CD247: variants seen among roughly 807,000 people sequenced by gnomAD.
CD247 encodes T-cell surface glycoprotein CD3 zeta chain.
CD247 carries 13 observed loss-of-function variants against 30.0 expected under a neutral mutation model. The ratio of observed to expected loss-of-function variants is 0.43; its 90% CI spans 0.28 to 0.69. CD247 has a LOEUF of 0.69. Among genes scored for constraint, CD247 ranks in the 30% least tolerant of loss-of-function variants. The pLI is 0.16. For synonymous variants in CD247, 72 were observed against 80.0 expected, an observed-to-expected ratio of 0.90 and a Z score of 0.53; for missense variants, 193 against 212.6, an observed-to-expected ratio of 0.91 and a Z score of 0.57.
At chr1:167,471,099 C>G (rs2102047982) in intron 1 of CD247, among the ~76,000 whole-genome samples, 1 of 152,210 alleles carries the variant, frequency 6.6e-6, no homozygotes, top group Admixed American at 6.5e-5. Context: ...TCTTGATTTT[C>G]TAACCTCGTG....
Position 167,461,476 on chromosome 1 carries a change from A to G in CD247, c.59-20709T>C, listed in dbSNP as rs542742726. 3.3e-5 allele frequency among the ~76,000 whole-genome samples: 5 copies of G among 152,356 alleles called. No individual in the cohort carries two copies. The South Asian group carries it at 8.3e-4, about 25-fold the overall frequency. ...GGTTTCATCTCTGGTTTGTGAAATT[A>G]TGGGTGATTTAAATTTTCTTTATGC... On this transcript the variant is annotated intron_variant, in intron 1 of 7. Transcript: ENST00000362089.
chr1:167,490,069 A>G (rs777551625), intron 1 of CD247, among the ~76,000 whole-genome samples: 58 of 150,220 alleles, frequency 3.9e-4, no homozygotes, highest in Non-Finnish European at 7.7e-4. Context: ...TGGAGCGCTC[A>G]TCTTTGTGTC....
At chr1:167,506,128 T>C (rs1655102751) in intron 1 of CD247, among the ~76,000 whole-genome samples, 1 of 152,234 alleles carries the variant, frequency 6.6e-6, no homozygotes, top group African/African-American at 2.4e-5. Context: ...GTATCTATAA[T>C]ACTTTCCAGG....
At position 167,431,655 on chromosome 1, in the gene CD247, C is replaced by T; in HGVS notation, c.*26G>A. 1 of 1,604,582 alleles carries T rather than the reference C, an allele frequency of 6.2e-7. No individual in the cohort carries two copies. The highest frequency in any genetic ancestry group is 2.2e-5 in the East Asian group (1 of 44,850). ...TAATCTGGGCGTCTGCAGGTCTGGC[C>T]TTTGAGTGGTGAAATCCCCTGGCTG... On this transcript the variant is annotated 3_prime_UTR_variant, in exon 8 of 8. Coordinates refer to ENST00000362089, the MANE Select transcript of CD247 (RefSeq NM_198053.3).
Position 167,434,293 on chromosome 1 carries a change from G to A in CD247, c.337-217C>T, listed in dbSNP as rs767138961. ...TCCTCAGCCCTTTGGAGTCTCCTCC[G>A]AGCTGCCAGCTCTTTGCACTGAGCT... On this transcript the variant is annotated intron_variant, in intron 5 of 7. Transcript: ENST00000362089. 42 of 606,624 alleles carry A rather than the reference G, an allele frequency of 6.9e-5. 1 individual carries two copies. Among genetic ancestry groups the A allele is most frequent in the Admixed American group, 6.2e-4 (23 of 37,300 alleles). 37.6% of individuals were successfully genotyped at this position (606,624 alleles called of 1,614,324 possible).
intron 1 of CD247, among the ~76,000 whole-genome samples, chr1:167,507,479 T>G (rs1655194823): frequency 6.6e-6 from 1 of 152,324 alleles, no homozygotes; most frequent in East Asian, 1.9e-4. Flanking sequence ...TATTCTTTTC[T>G]TTCTTAACTG....
chr1:167,484,416 G>A (rs1654113557), intron 1 of CD247, among the ~76,000 whole-genome samples: 1 of 152,204 alleles, frequency 6.6e-6, no homozygotes, highest in Admixed American at 6.5e-5. Context: ...TGGGAGCCCA[G>A]AGGCCAAGGT....
chr1:167,512,103 T>C (rs1040442989), intron 1 of CD247, among the ~76,000 whole-genome samples: 1 of 152,142 alleles, frequency 6.6e-6, no homozygotes, highest in African/African-American at 2.4e-5. Flanking sequence ...GCAAGCAAAG[T>C]GGACAGTGCA....
chr1:167,446,958 A>G (rs944011794), intron 1 of CD247, among the ~76,000 whole-genome samples: 7 of 152,116 alleles, frequency 4.6e-5, no homozygotes, highest in African/African-American at 1.7e-4. Flanking sequence ...TTACGCCACT[A>G]CACTCCAGCC....
In CD247 at chr1:167,494,072, A is replaced by C. The variant is rs953094183; in HGVS notation, c.58+24336T>G. On this transcript the variant is annotated intron_variant, in intron 1 of 7. Coordinates refer to ENST00000362089, the MANE Select transcript of CD247 (RefSeq NM_198053.3). The surrounding 1 kb of genome is among the most constrained non-coding windows in gnomAD (Gnocchi z 7.3). ...AGGCTGGAGGCTGCAAAATGATGAC[A>C]GAGCTTGGGGCTATGATCTGGACTG... is the stretch of plus-strand genomic sequence containing the variant. Among the ~76,000 whole-genome samples the C allele has an allele frequency of 5.9e-5, 9 of 152,082 alleles. No individual in the cohort carries two copies. The highest frequency in any genetic ancestry group is 1.3e-4 in the Non-Finnish European group (9 of 68,020).
chr1:167,442,742 T>C (rs554658174), intron 1 of CD247, among the ~76,000 whole-genome samples: 2 of 149,160 alleles, frequency 1.3e-5, no homozygotes, highest in African/African-American at 4.9e-5. Flanking sequence ...CCACCCTGAA[T>C]CCCTCTGTCC....
chr1:167,476,380 TTACTTAGCTGCA>T (rs935153181), intron 1 of CD247, among the ~76,000 whole-genome samples: 16 of 152,362 alleles, frequency 1.1e-4, no homozygotes, highest in African/African-American at 3.8e-4. Flanking sequence ...GTGTCATGTC[TTACTTAGCTGCA>T]TACTTAATCT....
At chr1:167,450,472 T>G (rs2102009643) in intron 1 of CD247, among the ~76,000 whole-genome samples, 1 of 152,130 alleles carries the variant, frequency 6.6e-6, no homozygotes, top group South Asian at 2.1e-4. Flanking sequence ...CCAGCCTGGT[T>G]GACAGAGTGA....
At chr1:167,435,538 T>C in intron 4 of CD247, 104 bp from the exon 5 acceptor site, 1 of 892,178 alleles carries the variant, frequency 1.1e-6, no homozygotes, top group Middle Eastern at 3.1e-4. Context: ...TTCCTGGGGC[T>C]CTGCCGTCTG....
At chr1:167,462,673 C>T (rs960195328) in intron 1 of CD247, among the ~76,000 whole-genome samples, 19 of 152,334 alleles carry the variant, frequency 1.2e-4, no homozygotes, top group Middle Eastern at 3.4e-3. Context: ...CCATTTCCCC[C>T]ACCTGAGTTC....
chr1:167,466,939 A>G (rs896789296), intron 1 of CD247, among the ~76,000 whole-genome samples: 4 of 151,466 alleles, frequency 2.6e-5, no homozygotes, highest in Non-Finnish European at 4.4e-5. Context: ...TCCCAGGTTC[A>G]CGCCATTCTC....
At chr1:167,503,391 T>C (rs1167616631) in intron 1 of CD247, among the ~76,000 whole-genome samples, 2 of 152,224 alleles carry the variant, frequency 1.3e-5, no homozygotes, top group African/African-American at 4.8e-5. Flanking sequence ...ATTCTGCAGG[T>C]CACTTAATAG....
At chr1:167,465,243 G>GGT (rs1313778779) in intron 1 of CD247, among the ~76,000 whole-genome samples, 6 of 151,360 alleles carry the variant, frequency 4.0e-5, no homozygotes, top group Non-Finnish European at 7.4e-5. Flanking sequence ...CCTGCCTCCA[G>GGT]TGGCCAGTCC....
At chr1:167,509,183 ATGGAG>A (rs1558033789) in intron 1 of CD247, among the ~76,000 whole-genome samples, 3 of 152,092 alleles carry the variant, frequency 2.0e-5, no homozygotes, top group Non-Finnish European at 4.4e-5. Flanking sequence ...CCTGACCAAC[ATGGAG>A]AAACCCTGTC....
Sources: gnomAD v4.1 joint callset for allele counts (sites outside exome capture counted in the v4.1 genomes callset) on GRCh38, gnomAD v4.1.1 for gene constraint, Gnocchi (gnomAD v3.1) non-coding constraint, MANE v1.5 for transcripts, NCBI Gene and HGNC (gene_info 2026-07-23, HGNC 2026-07-21) for gene names.